The following NALCN variants were observed in gnomAD, a reference collection of about 807,000 sequenced individuals.
NALCN encodes the protein sodium leak channel, non-selective, also known as sodium leak channel NALCN.
NALCN carries 111 observed loss-of-function variants against 225.3 expected under a neutral mutation model. That is an observed-to-expected ratio of 0.49 (90% CI 0.42 to 0.58). The LOEUF (loss-of-function observed/expected upper bound fraction) is 0.58, where lower values mean the gene tolerates loss of function less well. Ranked by LOEUF, NALCN falls within the 20% of genes least tolerant of loss-of-function variation. The pLI, the probability that NALCN is intolerant of heterozygous loss-of-function variation, is 0.00. For missense variants in NALCN, 1,378 were observed against 2,202.4 expected, an observed-to-expected ratio of 0.63 and a Z score of 7.49; for synonymous variants, 764 against 769.0, an observed-to-expected ratio of 0.99 and a Z score of 0.11.
At chr13:101,295,805 G>A (rs1469741007) in intron 7 of NALCN, among the ~76,000 whole-genome samples, 2 of 152,224 alleles carry the variant, frequency 1.3e-5, no homozygotes, top group Non-Finnish European at 2.9e-5. Flanking sequence ...GGCAATGGAC[G>A]AAGATGGTCC....
chr13:101,058,424 G>GTTTTTTAAT, intron 42 of NALCN: 4 of 163,282 alleles, frequency 2.4e-5, no homozygotes, highest in South Asian at 1.5e-4. Context: ...GGCTGGGCGG[G>GTTTTTTAAT]GGCAGTCTAC....
At chr13:101,306,788 C>T (rs10508061) in intron 7 of NALCN, among the ~76,000 whole-genome samples, 24,217 of 152,146 alleles carry the variant, frequency 0.16, 2,280 homozygotes, top group East Asian at 0.33. Flanking sequence ...TTGCTAAGGT[C>T]GCATGGCAAG....
chr13:101,313,928 G>A (rs1397949011), intron 7 of NALCN, among the ~76,000 whole-genome samples: 1 of 152,002 alleles, frequency 6.6e-6, no homozygotes, highest in Non-Finnish European at 1.5e-5. Flanking sequence ...CCAACAACGA[G>A]AGACTGGATT....
chr13:101,165,473 C>T (rs1018878625), intron 15 of NALCN, among the ~76,000 whole-genome samples: 33 of 152,064 alleles, frequency 2.2e-4, no homozygotes, highest in Non-Finnish European at 1.8e-4. Flanking sequence ...TCATTTTTGT[C>T]GTTGTTGTTG....
intron 1 of NALCN, among the ~76,000 whole-genome samples, chr13:101,405,196 C>T (rs1331247155): frequency 2.0e-5 from 3 of 152,140 alleles, no homozygotes; most frequent in African/African-American, 4.8e-5. Flanking sequence ...GAAAACTTGA[C>T]GACAAAAGGC....
At chr13:101,136,178 T>C (rs897092212) in intron 17 of NALCN, among the ~76,000 whole-genome samples, 8 of 152,200 alleles carry the variant, frequency 5.3e-5, no homozygotes, top group Admixed American at 1.3e-4. Flanking sequence ...TCAAAAATGA[T>C]TGTTGGATGA....
chr13:101,157,010 ATATTT>A (rs1335964068), intron 15 of NALCN, among the ~76,000 whole-genome samples: 1 of 152,206 alleles, frequency 6.6e-6, no homozygotes, highest in African/African-American at 2.4e-5. Context: ...ATTAATCCAC[ATATTT>A]TATTAAAAAC....
intron 34 of NALCN, 56 bp downstream of exon 34, chr13:101,081,471 C>A (rs1382288153): frequency 6.2e-7 from 1 of 1,610,992 alleles, no homozygotes; most frequent in Non-Finnish European, 8.5e-7. Context: ...CAGGACTGAG[C>A]AGAACTGAAC....
rs375428001 is a variant in NALCN, at chr13:101,368,311, C to T, written c.644+8389G>A. ...GAATGATGATTTCCAATTTCATCCACGTCCCTACCAAGGACATGAACTCAT... is the reference window on the plus strand; with the variant it reads ...GAATGATGATTTCCAATTTCATCCATGTCCCTACCAAGGACATGAACTCAT... On this transcript the variant is annotated intron_variant, in intron 6 of 43. Coordinates refer to ENST00000251127, the MANE Select transcript of NALCN (RefSeq NM_052867.4). Among the ~76,000 whole-genome samples, 86 of 151,908 alleles carry T rather than the reference C, an allele frequency of 5.7e-4. 1 individual carries two copies. The East Asian group carries it at 0.011, about 20-fold the overall frequency.
intron 7 of NALCN, among the ~76,000 whole-genome samples, chr13:101,295,115 A>C (rs1328200523): frequency 6.6e-6 from 1 of 152,164 alleles, no homozygotes; most frequent in Non-Finnish European, 1.5e-5. Context: ...TAAACTTATA[A>C]GTTTCTTAAA....
intron 13 of NALCN, among the ~76,000 whole-genome samples, chr13:101,215,826 G>A (rs2040709953): frequency 6.6e-6 from 1 of 151,978 alleles, no homozygotes; most frequent in South Asian, 2.1e-4. Flanking sequence ...TTTACATTAG[G>A]TATATCTCCT....
At chr13:101,122,019 C>T (rs573615692) in intron 18 of NALCN, among the ~76,000 whole-genome samples, 7 of 149,048 alleles carry the variant, frequency 4.7e-5, no homozygotes, top group African/African-American at 1.5e-4. Context: ...GTTATTGTTC[C>T]TTGAAAAACA....
chr13:101,261,629 T>C (rs2042430611), intron 10 of NALCN, among the ~76,000 whole-genome samples: 1 of 152,216 alleles, frequency 6.6e-6, no homozygotes, highest in Non-Finnish European at 1.5e-5. Context: ...ATTACTTTCT[T>C]GATTTCTTTT....
At chr13:101,078,235 CCACACACAG>C (rs2033388636) in intron 34 of NALCN, among the ~76,000 whole-genome samples, 1 of 151,854 alleles carries the variant, frequency 6.6e-6, no homozygotes, top group Non-Finnish European at 1.5e-5. Context: ...CACACAGAGT[CCACACACAG>C]AGTCCCCACT....
chr13:101,172,149 T>C (rs765085060), intron 15 of NALCN, among the ~76,000 whole-genome samples: 1 of 152,064 alleles, frequency 6.6e-6, no homozygotes, highest in African/African-American at 2.4e-5. Context: ...GGAGGTTGCA[T>C]AGAAAAATAA....
At chr13:101,055,870 G>A (rs1003638069) in intron 43 of NALCN, among the ~76,000 whole-genome samples, 1 of 152,128 alleles carries the variant, frequency 6.6e-6, no homozygotes, top group Non-Finnish European at 1.5e-5. Context: ...CCACAGTAAA[G>A]GCGAGGGGGG....
At chr13:101,073,562 G>A in intron 37 of NALCN, 22 bp downstream of exon 37, 1 of 1,587,772 alleles carries the variant, frequency 6.3e-7, no homozygotes, top group Non-Finnish European at 8.6e-7. Context: ...TCTAAGCCTT[G>A]TTCATGATGA....
chr13:101,247,526 C>T (rs1297498782), intron 11 of NALCN, among the ~76,000 whole-genome samples: 1 of 151,998 alleles, frequency 6.6e-6, no homozygotes, highest in East Asian at 1.9e-4. Flanking sequence ...TTAAATAAAT[C>T]TAATGAGAAA....
At chr13:101,208,865 C>T (rs1002341147) in intron 13 of NALCN, among the ~76,000 whole-genome samples, 8 of 152,202 alleles carry the variant, frequency 5.3e-5, no homozygotes, top group African/African-American at 1.7e-4. Flanking sequence ...AAGGAGCAGA[C>T]GCTGGTGCTA....
Sources: gnomAD v4.1 joint callset for allele counts (sites outside exome capture counted in the v4.1 genomes callset) on GRCh38, gnomAD v4.1.1 for gene constraint, MANE v1.5 for transcripts, NCBI Gene and HGNC (gene_info 2026-07-23, HGNC 2026-07-21) for gene names.